The following EIF4G3 variants were observed in gnomAD, a reference collection of about 807,000 sequenced individuals.
EIF4G3 encodes the protein eIF-4-gamma 3.
A neutral mutation model predicts 186.4 loss-of-function variants in EIF4G3; 34 were observed. The ratio of observed to expected loss-of-function variants is 0.18; its 90% CI spans 0.14 to 0.24. The LOEUF is 0.24. EIF4G3 is among the 10% of genes least tolerant of loss of function. The pLI is 1.00. For synonymous variants in EIF4G3, 673 were observed against 679.5 expected (o/e 0.99, Z 0.15); for missense variants, 1,536 against 1,948.5 (o/e 0.79, Z 3.99).
At chr1:21,167,420 GCA>G (rs1273469497) in intron 2 of EIF4G3, among the ~76,000 whole-genome samples, 2 of 152,060 alleles carry the variant, frequency 1.3e-5, no homozygotes, top group African/African-American at 2.4e-5. Flanking sequence ...TGTAATCCCA[GCA>G]CTTTGGGAAG....
intron 3 of EIF4G3, among the ~76,000 whole-genome samples, chr1:21,056,418 T>C (rs2094564673): frequency 6.6e-6 from 1 of 152,226 alleles, no homozygotes; most frequent in South Asian, 2.1e-4. Flanking sequence ...CATTCCATAT[T>C]CGCTTTTAGT....
intron 7 of EIF4G3, among the ~76,000 whole-genome samples, chr1:20,994,711 T>C (rs1054902741): frequency 4.7e-5 from 7 of 149,460 alleles, no homozygotes; most frequent in African/African-American, 1.7e-4. Context: ...CACTGCAACT[T>C]TGACCACCTG....
intron 4 of EIF4G3, among the ~76,000 whole-genome samples, chr1:21,005,519 A>G (rs946625196): frequency 6.6e-6 from 1 of 152,182 alleles, no homozygotes; most frequent in Admixed American, 6.5e-5. Flanking sequence ...TACTATTGAA[A>G]TAGAAAGGGA....
chr1:21,175,988 G>A, intron 2 of EIF4G3, 187 bp downstream of exon 2: 1 of 261,786 alleles, frequency 3.8e-6, no homozygotes, highest in Non-Finnish European at 7.1e-6. Flanking sequence ...GAGGGTCTGG[G>A]GGTCCCCCCG....
intron 35 of EIF4G3, among the ~76,000 whole-genome samples, chr1:20,811,201 G>A (rs1016279678): frequency 6.6e-5 from 10 of 152,132 alleles, no homozygotes; most frequent in Admixed American, 3.3e-4. Context: ...CGATCCACCC[G>A]CCTCAGCCTC....
chr1:20,824,984 C>T (rs911888615), intron 33 of EIF4G3, 116 bp downstream of exon 33: 5 of 589,416 alleles, frequency 8.5e-6, no homozygotes, highest in Non-Finnish European at 1.4e-5. Flanking sequence ...ACATCTTTAC[C>T]AAGATTCCTA....
At chr1:21,111,356 G>C (rs570957640) in intron 2 of EIF4G3, 1 of 471,584 alleles carries the variant, frequency 2.1e-6, no homozygotes, top group Non-Finnish European at 4.4e-6. Context: ...CCAAACTTCA[G>C]TTTCCTCATC....
intron 20 of EIF4G3, among the ~76,000 whole-genome samples, chr1:20,866,332 A>G (rs2077558479): frequency 6.6e-6 from 1 of 152,120 alleles, no homozygotes; most frequent in African/African-American, 2.4e-5. Flanking sequence ...CTGATGGCAC[A>G]CTCTCCAATG....
chr1:20,855,124 TTTTTC>T (rs1571710408), intron 25 of EIF4G3, 53 bp from the exon 26 acceptor site: 3 of 1,406,376 alleles, frequency 2.1e-6, no homozygotes, highest in South Asian at 1.3e-5. Flanking sequence ...AGAAGAATAG[TTTTTC>T]TTTTATTTTT....
intron 14 of EIF4G3, among the ~76,000 whole-genome samples, chr1:20,910,457 C>T (rs532927370): frequency 6.6e-6 from 1 of 151,786 alleles, no homozygotes; most frequent in Non-Finnish European, 1.5e-5. Context: ...GGTGGCAGGC[C>T]CCCGTAATCC....
chr1:21,075,558 G>C (rs74909780), intron 3 of EIF4G3, among the ~76,000 whole-genome samples: 3,553 of 107,674 alleles, frequency 0.033, 118 homozygotes, highest in East Asian at 0.19. Flanking sequence ...AACAGAGTGA[G>C]ACTCCAACTC....
chr1:20,988,623 T>C lies in EIF4G3; in HGVS notation c.178-6215A>G, dbSNP rs138985170. On this transcript the variant is annotated intron_variant, in intron 7 of 36. Coordinates refer to ENST00000602326, the MANE Select transcript of EIF4G3 (RefSeq NM_001391906.1). ...TTTGCTGGCTATTTTAAGGCCATTGTAGAGAGCTTAGATTCCTTTCAAAAT... is the reference window on the plus strand; with the variant it reads ...TTTGCTGGCTATTTTAAGGCCATTGCAGAGAGCTTAGATTCCTTTCAAAAT... 2.1e-3 allele frequency among the ~76,000 whole-genome samples: 313 copies of C among 152,256 alleles called. 5 individuals carry two copies. Among genetic ancestry groups the C allele is most frequent in the African/African-American group, 7.1e-3 (295 of 41,548 alleles).
chr1:20,991,871 T>G (rs1256768760), intron 7 of EIF4G3, among the ~76,000 whole-genome samples: 1 of 152,198 alleles, frequency 6.6e-6, no homozygotes, highest in Non-Finnish European at 1.5e-5. Flanking sequence ...TAAAGGAAAC[T>G]GACACCTACC....
intron 4 of EIF4G3, among the ~76,000 whole-genome samples, chr1:21,044,180 T>C (rs990154750): frequency 9.2e-5 from 14 of 152,280 alleles, no homozygotes; most frequent in Non-Finnish European, 1.0e-4. Flanking sequence ...AATCCTCCAT[T>C]TGGTTTTTTT....
At chr1:21,039,071 G>A (rs1293991238) in intron 4 of EIF4G3, among the ~76,000 whole-genome samples, 1 of 152,112 alleles carries the variant, frequency 6.6e-6, no homozygotes, top group Non-Finnish European at 1.5e-5. Context: ...CAAGAATCAA[G>A]TCAGTATGGT....
intron 12 of EIF4G3, 28 bp downstream of exon 12, chr1:20,969,446 C>T (rs2075382204): frequency 6.2e-7 from 1 of 1,612,128 alleles, no homozygotes; most frequent in Non-Finnish European, 8.5e-7. Context: ...ACAAATAGTG[C>T]CATCCATTAC....
chr1:21,145,529 C>G (rs1296294058), intron 2 of EIF4G3, among the ~76,000 whole-genome samples: 1 of 151,966 alleles, frequency 6.6e-6, no homozygotes, highest in African/African-American at 2.4e-5. Context: ...GCCCCTGACT[C>G]AGTGGGATTA....
chr1:20,942,603 C>T (rs532236190), intron 13 of EIF4G3, among the ~76,000 whole-genome samples: 2 of 152,166 alleles, frequency 1.3e-5, no homozygotes, highest in Admixed American at 1.3e-4. Context: ...AACTGAAAAG[C>T]TCACCAAAAC....
chr1:21,103,410 G>A (rs1418661156), intron 2 of EIF4G3, among the ~76,000 whole-genome samples: 7 of 152,278 alleles, frequency 4.6e-5, no homozygotes, highest in East Asian at 1.9e-4. Flanking sequence ...TAAGAGAACT[G>A]TAAAAATAAA....
Sources: gnomAD v4.1 joint callset for allele counts (sites outside exome capture counted in the v4.1 genomes callset) on GRCh38, gnomAD v4.1.1 for gene constraint, MANE v1.5 for transcripts, NCBI Gene and HGNC (gene_info 2026-07-23, HGNC 2026-07-21) for gene names.